Variants in LRRTM4 observed in about 807,000 individuals in gnomAD.
LRRTM4 encodes leucine-rich repeat transmembrane neuronal protein 4.
A neutral mutation model predicts 47.6 loss-of-function variants in LRRTM4; 25 were observed. The ratio of observed to expected loss-of-function variants is 0.53; its 90% CI spans 0.38 to 0.73. LRRTM4 has a LOEUF of 0.73. Ranked by LOEUF, LRRTM4 falls within the 30% of genes least tolerant of loss-of-function variation. LRRTM4 has a pLI of 0.00. For synonymous variants in LRRTM4, 311 were observed against 269.5 expected, an observed-to-expected ratio of 1.15 and a Z score of -1.51; for missense variants, 638 against 713.4, an observed-to-expected ratio of 0.89 and a Z score of 1.20.
At chr2:77,221,625 G>A (rs1422735183) in intron 3 of LRRTM4, among the ~76,000 whole-genome samples, 2 of 151,942 alleles carry the variant, frequency 1.3e-5, no homozygotes, top group African/African-American at 2.4e-5. Flanking sequence ...TTACATAATG[G>A]TAAAGGGATC....
At chr2:77,176,392 G>A (rs1202871003) in intron 3 of LRRTM4, among the ~76,000 whole-genome samples, 1 of 152,112 alleles carries the variant, frequency 6.6e-6, no homozygotes, top group African/African-American at 2.4e-5. Context: ...CATGGTATAC[G>A]ACTTATAGTC....
chr2:77,296,650 T>C (rs977632088), intron 3 of LRRTM4, among the ~76,000 whole-genome samples: 1 of 152,212 alleles, frequency 6.6e-6, no homozygotes, highest in Non-Finnish European at 1.5e-5. Context: ...ATTTTGTCTC[T>C]TGTCAAAATA....
intron 3 of LRRTM4, among the ~76,000 whole-genome samples, chr2:77,097,205 C>T (rs1670834316): frequency 6.6e-6 from 1 of 151,718 alleles, no homozygotes; most frequent in Non-Finnish European, 1.5e-5. Context: ...GTTTCATGTG[C>T]TTATTTATGA....
At chr2:76,910,807 CT>C (rs1289751767) in intron 3 of LRRTM4, among the ~76,000 whole-genome samples, 4 of 152,240 alleles carry the variant, frequency 2.6e-5, no homozygotes, top group African/African-American at 7.2e-5. Context: ...TCTTATTTTT[CT>C]TTTAACATTG....
rs1491066912 is a variant in LRRTM4 at position 76,748,548 on chromosome 2, TTC to T, written c.*145_*146del. The T allele has an allele frequency of 1.5e-6, 1 of 673,440 alleles. No homozygotes were observed. Among genetic ancestry groups the T allele is most frequent in the Non-Finnish European group, 2.5e-6 (1 of 402,800 alleles). The allele number at this position is 673,440 out of a possible 1,614,324, so 41.7% of individuals were successfully genotyped here. ...GCTGCCCTCTTCAAGCAGTTTTTTT[TTC>T]TCTTTTTCTTTTCTCTATGCCATAA... On this transcript the variant is annotated 3_prime_UTR_variant, in exon 4 of 4. Transcript: ENST00000409884.
rs1291565360 is a variant in LRRTM4 at position 77,487,640 on chromosome 2, TGAAGCCCCACCTTCAGGCCACCAAAGGCC to T, written c.1551+30649_1551+30677del. 1.3e-4 allele frequency among the ~76,000 whole-genome samples: 20 copies of T among 152,116 alleles called. 1 individual carries two copies. Among genetic ancestry groups the T allele is most frequent in the South Asian group, 4.2e-4 (2 of 4,816 alleles). ...TGGACAGACAGGGGCAGTTCCCCAG[TGAAGCCCCACCTTCAGGCCACCAAAGGCC>T]GAAGCCCCACCTTCAGGCCACCAAA... is the stretch of plus-strand genomic sequence containing the variant. On this transcript the variant is annotated intron_variant, in intron 3 of 3. Coordinates refer to ENST00000409884, the MANE Select transcript of LRRTM4 (RefSeq NM_001134745.3).
chr2:76,836,707 C>T (rs1014629693), intron 3 of LRRTM4, among the ~76,000 whole-genome samples: 23 of 151,984 alleles, frequency 1.5e-4, no homozygotes, highest in Admixed American at 1.5e-3. Context: ...TCTCCAAATG[C>T]ACACATTTAC....
chr2:77,091,801 C>T (rs1051152372), intron 3 of LRRTM4, among the ~76,000 whole-genome samples: 1 of 150,328 alleles, frequency 6.7e-6, no homozygotes, highest in Non-Finnish European at 1.5e-5. Context: ...CATCTGTTAC[C>T]TATCTTGGCA....
At chr2:77,222,254 G>A (rs980252519) in intron 3 of LRRTM4, among the ~76,000 whole-genome samples, 3 of 152,066 alleles carry the variant, frequency 2.0e-5, no homozygotes, top group African/African-American at 7.2e-5. Flanking sequence ...AGAGAAAGCA[G>A]GAAAGATCTA....
At chr2:76,881,884 G>A (rs1225451685) in intron 3 of LRRTM4, among the ~76,000 whole-genome samples, 3 of 152,044 alleles carry the variant, frequency 2.0e-5, no homozygotes, top group Non-Finnish European at 4.4e-5. Flanking sequence ...AATTGTAAAT[G>A]GTTGCAAGTT....
intron 3 of LRRTM4, among the ~76,000 whole-genome samples, chr2:77,316,225 C>T (rs986745831): frequency 6.6e-6 from 1 of 152,264 alleles, no homozygotes; most frequent in South Asian, 2.1e-4. Context: ...CTCCCAAGTA[C>T]AGCAGTCATC....
intron 3 of LRRTM4, among the ~76,000 whole-genome samples, chr2:76,774,757 T>C (rs2104126114): frequency 6.6e-6 from 1 of 152,330 alleles, no homozygotes. Flanking sequence ...CTGACATTTT[T>C]GCTTTCTAAT....
At chr2:77,433,538 T>A (rs1367981142) in intron 3 of LRRTM4, among the ~76,000 whole-genome samples, 2 of 152,202 alleles carry the variant, frequency 1.3e-5, no homozygotes, top group Non-Finnish European at 2.9e-5. Flanking sequence ...CCTATAAAGT[T>A]TGCTTATTAT....
intron 3 of LRRTM4, among the ~76,000 whole-genome samples, chr2:77,153,167 C>A (rs1401097742): frequency 6.6e-6 from 1 of 152,130 alleles, no homozygotes; most frequent in Non-Finnish European, 1.5e-5. Flanking sequence ...TCACATAGGA[C>A]CTCTTCCCTA....
chr2:76,815,420 A>G (rs993183744), intron 3 of LRRTM4, among the ~76,000 whole-genome samples: 19 of 152,132 alleles, frequency 1.2e-4, no homozygotes, highest in African/African-American at 3.9e-4. Context: ...GTGCTGCTCT[A>G]TGAAAGTCTG....
intron 3 of LRRTM4, among the ~76,000 whole-genome samples, chr2:76,787,545 A>C (rs116491004): frequency 1.5e-3 from 232 of 152,218 alleles, no homozygotes; most frequent in African/African-American, 5.5e-3. Context: ...GGAAAGGAAA[A>C]AAGAAAGGAA....
At chr2:76,811,410 G>A (rs1034207886) in intron 3 of LRRTM4, among the ~76,000 whole-genome samples, 2 of 152,172 alleles carry the variant, frequency 1.3e-5, no homozygotes, top group African/African-American at 4.8e-5. Flanking sequence ...GAAAGTGTGA[G>A]CAAGGACAAA....
chr2:77,098,341 T>A (rs1403438642), intron 3 of LRRTM4, among the ~76,000 whole-genome samples: 1 of 151,900 alleles, frequency 6.6e-6, no homozygotes, highest in Non-Finnish European at 1.5e-5. Context: ...TGATAGTCGA[T>A]AAAAATAGAT....
At chr2:77,431,811 C>T (rs1675386332) in intron 3 of LRRTM4, among the ~76,000 whole-genome samples, 1 of 149,014 alleles carries the variant, frequency 6.7e-6, no homozygotes, top group Non-Finnish European at 1.5e-5. Context: ...CACGGTAGCT[C>T]ATACCTGTAA....
Sources: allele counts gnomAD v4.1 joint callset (sites outside exome capture counted in the v4.1 genomes callset), GRCh38; gene constraint gnomAD v4.1.1; transcripts MANE v1.5; gene names NCBI Gene and HGNC (gene_info 2026-07-23, HGNC 2026-07-21).